Variants in CWC27 observed in about 807,000 individuals in gnomAD.
CWC27 encodes spliceosome-associated protein CWC27 homolog.
Under a neutral mutation model 63.6 loss-of-function variants are expected in CWC27, and 47 were observed. That is an observed-to-expected ratio of 0.74 (90% CI 0.58 to 0.94). The LOEUF is 0.94. CWC27 is among the 40% of genes least tolerant of loss of function. The probability of loss-of-function intolerance (pLI) is 0.00; values close to 1 mark genes in which losing one functional copy is unlikely to be tolerated. For missense variants in CWC27, 495 were observed against 554.3 expected (o/e 0.89, Z 1.07); for synonymous variants, 175 against 179.8 (o/e 0.97, Z 0.22).
chr5:64,921,015 T>A (rs970836343), intron 11 of CWC27, among the ~76,000 whole-genome samples: 7 of 152,194 alleles, frequency 4.6e-5, no homozygotes, highest in South Asian at 4.1e-4. Flanking sequence ...TTGCTCTTGT[T>A]TCTCTAGGTA....
At position 64,857,610 on chromosome 5, in the gene CWC27, C is replaced by A. The variant is rs530009628; in HGVS notation, c.939-27833C>A. ...GAAAAAGCAACCTAAAAATGGAAAG[C>A]CATTTAGTCAGGTCATATATATCAG... On this transcript the variant is annotated intron_variant, in intron 10 of 13. Coordinates refer to ENST00000381070, the MANE Select transcript of CWC27 (RefSeq NM_005869.4). Among the ~76,000 whole-genome samples, 7 of 152,170 alleles carry A rather than the reference C, an allele frequency of 4.6e-5. No homozygotes were observed. In the South Asian group the frequency reaches 8.3e-4, roughly 18 times the overall value.
At chr5:64,993,416 A>G (rs1015769475) in intron 13 of CWC27, among the ~76,000 whole-genome samples, 3 of 152,220 alleles carry the variant, frequency 2.0e-5, no homozygotes, top group South Asian at 2.1e-4. Flanking sequence ...GACATATTCA[A>G]TAAATTTGCT....
chr5:64,934,249 C>T (rs1262240313), intron 11 of CWC27, among the ~76,000 whole-genome samples: 2 of 152,172 alleles, frequency 1.3e-5, no homozygotes, highest in East Asian at 3.9e-4. Context: ...CTATTTCTCC[C>T]CTAGAACCCC....
In CWC27 at chr5:64,864,611, G is replaced by A. The variant is rs116751634; in HGVS notation, c.939-20832G>A. The stretch of plus-strand genomic sequence containing the variant: ...TACCCATATGTTAATATGTTTTATG[G>A]CATAATTAGTGTTATTTGTTATAAA... On this transcript the variant is annotated intron_variant, in intron 10 of 13. Transcript: ENST00000381070. 1.0e-3 allele frequency among the ~76,000 whole-genome samples: 156 copies of A among 152,108 alleles called. 1 individual carries two copies. The highest frequency in any genetic ancestry group is 3.6e-3 in the African/African-American group (150 of 41,496).
intron 10 of CWC27, among the ~76,000 whole-genome samples, chr5:64,870,978 G>A (rs2112324847): frequency 6.6e-6 from 1 of 152,164 alleles, no homozygotes; most frequent in South Asian, 2.1e-4. Context: ...CTTATGATAA[G>A]TATATAGAAT....
In CWC27 at chr5:64,786,559, G is replaced by C. The variant is rs755125562; in HGVS notation, c.531G>C (p.Arg177Ser). The C allele has an allele frequency of 1.3e-6, 2 of 1,587,934 alleles. No homozygotes were observed. The highest frequency in any genetic ancestry group is 2.7e-5 in the African/African-American group (2 of 73,074). Residue 177 changes from arginine to serine, a missense_variant, in exon 6 of 14, where the codon AGG becomes AGC. By Grantham distance (110) the Arg-to-Ser change is moderately radical. Around this residue, in one of 3 missense-constraint regions of CWC27, gnomAD observed 463 missense variants for 498.1 expected, o/e 0.93. Coordinates refer to ENST00000381070, the MANE Select transcript of CWC27 (RefSeq NM_005869.4). ...ATCCTTTTGATGACATCATTCCAAG[G>C]GAAATTAAAAGGCTGAAAAAAGAGA... ...LFNPFDDIIP[R>S]EIKRLKKEKP...
At position 64,940,317 on chromosome 5, in the gene CWC27, G is replaced by A. The variant is rs1464297565; in HGVS notation, c.1043-31386G>A. 2.0e-5 allele frequency among the ~76,000 whole-genome samples: 3 copies of A among 152,162 alleles called. No individual in the cohort carries two copies. In the South Asian group the frequency reaches 6.2e-4, roughly 32 times the overall value. Reference sequence around the variant, plus strand: ...AAAAGCTTAGTATCTGGGCTGGAGGGCACCGTTCCTCACGGCACAGTCCCT... The same window carrying A: ...AAAAGCTTAGTATCTGGGCTGGAGGACACCGTTCCTCACGGCACAGTCCCT... On this transcript the variant is annotated intron_variant, in intron 11 of 13. Coordinates refer to ENST00000381070, the MANE Select transcript of CWC27 (RefSeq NM_005869.4).
At chr5:64,996,626 G>T (rs1398815007) in intron 13 of CWC27, among the ~76,000 whole-genome samples, 1 of 152,106 alleles carries the variant, frequency 6.6e-6, no homozygotes, top group Non-Finnish European at 1.5e-5. Flanking sequence ...AAGTAATTTG[G>T]TCAAGATGTC....
In CWC27 at chr5:65,014,254, GAT is replaced by G. The variant is rs1387651710; in HGVS notation, c.1257-3897_1257-3896del. ...ATATAATAGATTACATATTATATAT[GAT>G]ATATATAATATATACCATAGAGATC... On this transcript the variant is annotated intron_variant, in intron 13 of 13. Transcript: ENST00000381070. 1.6e-4 allele frequency among the ~76,000 whole-genome samples: 23 copies of G among 146,144 alleles called. No individual in the cohort carries two copies. The East Asian group carries it at 4.3e-3, about 28-fold the overall frequency.
intron 11 of CWC27, among the ~76,000 whole-genome samples, chr5:64,895,536 T>C (rs1747350894): frequency 6.6e-6 from 1 of 152,136 alleles, no homozygotes; most frequent in African/African-American, 2.4e-5. Flanking sequence ...TTCATCCCAG[T>C]CCTCAAGGAA....
intron 7 of CWC27, among the ~76,000 whole-genome samples, chr5:64,794,823 A>G (rs1744207504): frequency 6.6e-6 from 1 of 152,122 alleles, no homozygotes; most frequent in Non-Finnish European, 1.5e-5. Context: ...TTTACATGTA[A>G]CTGAAATATA....
At chr5:64,965,913 G>C (rs1156694440) in intron 11 of CWC27, among the ~76,000 whole-genome samples, 3 of 152,102 alleles carry the variant, frequency 2.0e-5, no homozygotes, top group African/African-American at 4.8e-5. Context: ...ACAATATTAA[G>C]ATATTATCAG....
At chr5:64,787,657 A>G (rs748391838) in intron 6 of CWC27, among the ~76,000 whole-genome samples, 21 of 152,054 alleles carry the variant, frequency 1.4e-4, no homozygotes, top group Non-Finnish European at 2.8e-4. Context: ...GAAAAAATAA[A>G]TTTCAGTATT....
chr5:64,782,167 G>C (rs770928475), intron 3 of CWC27, 134 bp downstream of exon 3: 3 of 483,300 alleles, frequency 6.2e-6, no homozygotes, highest in Non-Finnish European at 1.1e-5. Context: ...TAAACATCAG[G>C]CTGGGTGCAG....
Position 65,018,659 on chromosome 5 carries a change from T to C in CWC27, c.*338T>C, listed in dbSNP as rs1750095458. The C allele has an allele frequency of 6.4e-6, 1 of 155,890 alleles. No homozygotes were observed. The highest frequency in any genetic ancestry group is 2.4e-5 in the African/African-American group (1 of 41,636). 9.7% of individuals were successfully genotyped at this position (155,890 alleles called of 1,614,324 possible). A position where few individuals can be genotyped will look rare whatever the true frequency, so the allele number is the denominator to read the frequency against. On this transcript the variant is annotated 3_prime_UTR_variant, in exon 14 of 14. Coordinates refer to ENST00000381070, the MANE Select transcript of CWC27 (RefSeq NM_005869.4). ...ATATGAAGGCTTCCTTTTCAAGATT[T>C]TTTTATAAGAAGTTCCTACAGAAAG...
chr5:64,999,749 T>C (rs1749698569), intron 13 of CWC27, among the ~76,000 whole-genome samples: 2 of 152,136 alleles, frequency 1.3e-5, no homozygotes, highest in Admixed American at 1.3e-4. Context: ...TGATGGACAC[T>C]TAAGTTGATT....
In CWC27 at chr5:64,796,002, CGTGTGTGT is replaced by C. The variant is rs56699605; in HGVS notation, c.670-4213_670-4206del. The stretch of plus-strand genomic sequence containing the variant: ...AGAAGCCATTTAAAAAGAAATTGTG[CGTGTGTGT>C]GTGTGTGTGTGTGTGTGTGTGTGTG... On this transcript the variant is annotated intron_variant, in intron 7 of 13. Transcript: ENST00000381070. Among the ~76,000 whole-genome samples, 448 of 135,872 alleles carry C rather than the reference CGTGTGTGT, an allele frequency of 3.3e-3. 2 individuals carry two copies. Among genetic ancestry groups the C allele is most frequent in the African/African-American group, 0.011 (412 of 37,656 alleles). The allele number at this position is 135,872 out of a possible 152,430, so 89.1% of individuals were successfully genotyped here.
intron 13 of CWC27, among the ~76,000 whole-genome samples, chr5:64,987,630 C>G (rs578201315): frequency 6.6e-6 from 1 of 152,134 alleles, no homozygotes; most frequent in East Asian, 1.9e-4. Context: ...GATCTACTGG[C>G]CACAGATTAT....
chr5:64,962,243 A>G (rs1441566619), intron 11 of CWC27, among the ~76,000 whole-genome samples: 1 of 152,218 alleles, frequency 6.6e-6, no homozygotes, highest in Non-Finnish European at 1.5e-5. Flanking sequence ...AAATCTATAG[A>G]AATGCTGGAT....
Sources: allele counts gnomAD v4.1 joint callset (sites outside exome capture counted in the v4.1 genomes callset), GRCh38; gene constraint gnomAD v4.1.1; regional missense constraint gnomAD v4.1.1; transcripts MANE v1.5; gene names NCBI Gene and HGNC (gene_info 2026-07-23, HGNC 2026-07-21).